BNC2: variants seen among roughly 807,000 people sequenced by gnomAD.
BNC2 encodes the protein zinc finger protein basonuclin-2.
BNC2 carries 20 observed loss-of-function variants against 76.3 expected under a neutral mutation model. That is an observed-to-expected ratio of 0.26 (90% confidence interval 0.18 to 0.38). The LOEUF is 0.38. Ranked by LOEUF, BNC2 falls within the 10% of genes least tolerant of loss-of-function variation. The pLI, the probability that BNC2 is intolerant of heterozygous loss-of-function variation, is 1.00. For synonymous variants in BNC2, 582 were observed against 514.8 expected, an observed-to-expected ratio of 1.13 and a Z score of -1.77; for missense variants, 1,382 against 1,399.8, an observed-to-expected ratio of 0.99 and a Z score of 0.20.
intron 6 of BNC2, among the ~76,000 whole-genome samples, chr9:16,421,684 TGACTCC>T (rs1820713054): frequency 1.3e-5 from 2 of 152,226 alleles, no homozygotes; most frequent in African/African-American, 4.8e-5. Flanking sequence ...AGATGGCAGA[TGACTCC>T]AAGTGCAGGT....
At chr9:16,518,414 G>A (rs1480351281) in intron 5 of BNC2, among the ~76,000 whole-genome samples, 4 of 152,036 alleles carry the variant, frequency 2.6e-5, no homozygotes, top group African/African-American at 9.6e-5. Context: ...GTAATAGGGC[G>A]AAACCATATC....
intron 1 of BNC2, among the ~76,000 whole-genome samples, chr9:16,837,726 G>C (rs1286330952): frequency 6.6e-6 from 1 of 152,140 alleles, no homozygotes; most frequent in Non-Finnish European, 1.5e-5. Context: ...AGGTATTCTT[G>C]AACCATTTCA....
chr9:16,824,269 TTTGGTCA>T (rs1818403907), intron 1 of BNC2, among the ~76,000 whole-genome samples: 1 of 152,172 alleles, frequency 6.6e-6, no homozygotes, highest in South Asian at 2.1e-4. Flanking sequence ...TTTTTTAATG[TTTGGTCA>T]TTTTATGATA....
chr9:16,472,641 C>G (rs150499959), intron 5 of BNC2, among the ~76,000 whole-genome samples: 1 of 152,170 alleles, frequency 6.6e-6, no homozygotes, highest in East Asian at 1.9e-4. Context: ...TGGTCCACTT[C>G]TTATAATCCT....
chr9:16,659,699 G>A (rs1392074488), intron 3 of BNC2, among the ~76,000 whole-genome samples: 1 of 150,832 alleles, frequency 6.6e-6, no homozygotes, highest in African/African-American at 2.4e-5. Flanking sequence ...CCCTTGATCT[G>A]TGCAGGGCTT....
At chr9:16,594,305 C>A (rs1422571710) in intron 3 of BNC2, among the ~76,000 whole-genome samples, 5 of 152,076 alleles carry the variant, frequency 3.3e-5, no homozygotes. Context: ...AAAAGTTGTC[C>A]CAAGTTGTGC....
At chr9:16,765,316 A>G (rs565308303) in intron 1 of BNC2, among the ~76,000 whole-genome samples, 1 of 152,332 alleles carries the variant, frequency 6.6e-6, no homozygotes, top group African/African-American at 2.4e-5. Flanking sequence ...CTAAAATGCA[A>G]TAATAATTTG....
chr9:16,707,183 C>T (rs1475637404), intron 3 of BNC2, among the ~76,000 whole-genome samples: 2 of 150,746 alleles, frequency 1.3e-5, no homozygotes, highest in Non-Finnish European at 3.0e-5. Context: ...GCCTGGGCAA[C>T]AGAGCAAGAC....
intron 1 of BNC2, among the ~76,000 whole-genome samples, chr9:16,858,572 C>T (rs766275972): frequency 1.3e-5 from 2 of 152,108 alleles, no homozygotes; most frequent in Non-Finnish European, 2.9e-5. Context: ...TGGCCAGGCG[C>T]GGTGGCTCAC....
chr9:16,744,308 G>T (rs1178506702), intron 1 of BNC2, among the ~76,000 whole-genome samples: 1 of 152,162 alleles, frequency 6.6e-6, no homozygotes, highest in East Asian at 1.9e-4. Context: ...TTTTATGCTG[G>T]TATGAAAAAG....
intron 1 of BNC2, among the ~76,000 whole-genome samples, chr9:16,766,494 G>A (rs1341230913): frequency 1.3e-5 from 2 of 152,066 alleles, no homozygotes; most frequent in African/African-American, 4.8e-5. Context: ...TTCCCACCCA[G>A]AACCACTTAA....
chr9:16,715,664 A>C (rs1288918976), intron 3 of BNC2, among the ~76,000 whole-genome samples: 2 of 152,192 alleles, frequency 1.3e-5, no homozygotes, highest in African/African-American at 4.8e-5. Flanking sequence ...CTGGGCGTGC[A>C]TTCCCACCTG....
rs1338504842 is a variant in BNC2 at position 16,410,636 on chromosome 9, G to A, written c.*8353C>T. 6.6e-6 allele frequency: 1 copy of A among 152,542 alleles called. No homozygotes were observed. Among genetic ancestry groups the A allele is most frequent in the East Asian group, 1.9e-4 (1 of 5,190 alleles). 9.4% of individuals were successfully genotyped at this position (152,542 alleles called of 1,614,324 possible). A position where few individuals can be genotyped will look rare whatever the true frequency, so the allele number is the denominator to read the frequency against. ...TCACGTTATGCAAACCCTGGACAGG[G>A]TAGAACACGTTTCCAAAGCAATTAA... On this transcript the variant is annotated 3_prime_UTR_variant, in exon 7 of 7. Transcript: ENST00000380672.
chr9:16,711,314 G>C (rs780405719), intron 3 of BNC2, among the ~76,000 whole-genome samples: 2 of 152,148 alleles, frequency 1.3e-5, no homozygotes, highest in Non-Finnish European at 2.9e-5. Context: ...GAATTATCTG[G>C]CTGTGGTTGA....
intron 4 of BNC2, among the ~76,000 whole-genome samples, chr9:16,554,616 G>C (rs1186585990): frequency 6.6e-6 from 1 of 152,092 alleles, no homozygotes; most frequent in Non-Finnish European, 1.5e-5. Context: ...ACTCCACAGG[G>C]CATTTAGACT....
intron 5 of BNC2, among the ~76,000 whole-genome samples, chr9:16,469,230 T>C (rs1172425785): frequency 2.0e-5 from 3 of 152,174 alleles, no homozygotes. Flanking sequence ...TGATTTGATA[T>C]GGTTTGGCTC....
chr9:16,753,118 A>C (rs1825270254), intron 1 of BNC2, among the ~76,000 whole-genome samples: 1 of 147,940 alleles, frequency 6.8e-6, no homozygotes, highest in Admixed American at 6.9e-5. Context: ...CTTTTCAATG[A>C]CTGTGGGACA....
rs190711768 is a variant in BNC2 at position 16,727,968 on chromosome 9, T to C, written c.159A>G (p.Glu53=). ...GCTCTCTGTCTCTCTGTGTCTCTCTTTCTCTCACATCCACTTCTGCCTCTT... is the reference window on the plus strand; with the variant it reads ...GCTCTCTGTCTCTCTGTGTCTCTCTCTCTCTCACATCCACTTCTGCCTCTT... ...ESEEAEVDVR[E]RETQRDREPK... is the part of the protein sequence containing the mutation. The change falls in exon 3 of 7, where the codon GAA becomes GAG. Residue 53 remains glutamate (E), a synonymous_variant. Coordinates refer to ENST00000380672, the MANE Select transcript of BNC2 (RefSeq NM_017637.6). 2.3e-5 allele frequency: 37 copies of C among 1,614,032 alleles called. No homozygotes were observed. The highest frequency in any genetic ancestry group is 2.0e-4 in the African/African-American group (15 of 74,992).
At chr9:16,716,268 T>C (rs369309378) in intron 3 of BNC2, among the ~76,000 whole-genome samples, 177 of 152,336 alleles carry the variant, frequency 1.2e-3, no homozygotes, top group African/African-American at 4.1e-3. Flanking sequence ...TGCATGACTA[T>C]TATCACAGCA....
Sources: gnomAD v4.1 joint callset for allele counts (sites outside exome capture counted in the v4.1 genomes callset) on GRCh38, gnomAD v4.1.1 for gene constraint, MANE v1.5 for transcripts, NCBI Gene and HGNC (gene_info 2026-07-23, HGNC 2026-07-21) for gene names.